The following NXN variants were observed in gnomAD, a reference collection of about 807,000 sequenced individuals.
The protein encoded by NXN is nucleoredoxin.
A neutral mutation model predicts 48.6 loss-of-function variants in NXN; 16 were observed. That is an observed-to-expected ratio of 0.33 (90% CI 0.22 to 0.50). The LOEUF is 0.50. Ranked by LOEUF, NXN falls within the 20% of genes least tolerant of loss-of-function variation. The probability of loss-of-function intolerance (pLI) is 0.98; values close to 1 mark genes in which losing one functional copy is unlikely to be tolerated. For synonymous variants in NXN, 281 were observed against 269.6 expected (o/e 1.04, Z -0.41); for missense variants, 492 against 605.5 (o/e 0.81, Z 1.97).
chr17:805,274 G>T (rs748136441), intron 5 of NXN, 27 bp from the exon 6 acceptor site: 1 of 1,587,726 alleles, frequency 6.3e-7, no homozygotes, highest in Middle Eastern at 1.8e-4. Context: ...GTGCTTGGCC[G>T]CTGGCCCGGG....
At chr17:947,029 T>G (rs1177533836) in intron 1 of NXN, among the ~76,000 whole-genome samples, 1 of 152,072 alleles carries the variant, frequency 6.6e-6, no homozygotes, top group Non-Finnish European at 1.5e-5. Context: ...AGGGGCCGCA[T>G]GAGGAGAGAC....
Position 821,024 on chromosome 17 carries a change from T to C in NXN, c.713+1333A>G, listed in dbSNP as rs1166585550. ...CATGGCAGAGACGGGAGCTGTGGCA[T>C]GGCAGAGACGGGGAGCTGCGGCACG... On this transcript the variant is annotated intron_variant, in intron 4 of 7. Transcript: ENST00000336868. Among the ~76,000 whole-genome samples the C allele has an allele frequency of 2.9e-5, 2 of 69,570 alleles. 1 individual carries two copies. The highest frequency in any genetic ancestry group is 9.4e-4 in the South Asian group (2 of 2,120). The allele number at this position is 69,570 out of a possible 152,430, so 45.6% of individuals were successfully genotyped here. A position where few individuals can be genotyped will look rare whatever the true frequency, so the allele number is the denominator to read the frequency against.
chr17:812,462 CACAG>C (rs948456278), intron 5 of NXN, among the ~76,000 whole-genome samples: 21 of 152,178 alleles, frequency 1.4e-4, no homozygotes, highest in African/African-American at 3.6e-4. Flanking sequence ...GACCCCAGGG[CACAG>C]ACAGACTCAA....
chr17:927,738 G>A (rs2068815656), intron 1 of NXN, among the ~76,000 whole-genome samples: 1 of 152,114 alleles, frequency 6.6e-6, no homozygotes. Flanking sequence ...GGCATAACCA[G>A]CCAGACAGCA....
intron 1 of NXN, among the ~76,000 whole-genome samples, chr17:912,454 G>A (rs1238829539): frequency 2.6e-5 from 4 of 152,050 alleles, no homozygotes; most frequent in Non-Finnish European, 4.4e-5. Context: ...CCCCAACCAC[G>A]CGGGAGAGAC....
intron 5 of NXN, among the ~76,000 whole-genome samples, chr17:814,723 C>T (rs1046048944): frequency 7.9e-5 from 12 of 152,130 alleles, no homozygotes; most frequent in African/African-American, 7.2e-5. Context: ...ATGGTTAGCA[C>T]GCACTCAATA....
chr17:885,401 C>T (rs866539243), intron 1 of NXN, among the ~76,000 whole-genome samples: 5 of 151,570 alleles, frequency 3.3e-5, no homozygotes, highest in African/African-American at 9.7e-5. Context: ...CACTTGAACC[C>T]GGGAGGTGGA....
At chr17:947,754 A>C (rs1449025954) in intron 1 of NXN, among the ~76,000 whole-genome samples, 4 of 145,744 alleles carry the variant, frequency 2.7e-5, no homozygotes, top group African/African-American at 1.0e-4. Context: ...AAAAAAAAAA[A>C]GGGCCAGGCA....
chr17:947,424 G>A (rs972919716), intron 1 of NXN, among the ~76,000 whole-genome samples: 4 of 152,000 alleles, frequency 2.6e-5, no homozygotes, highest in Non-Finnish European at 4.4e-5. Context: ...CCACGGATTC[G>A]ACTAACCCCA....
At chr17:868,576 C>G (rs976786009) in intron 1 of NXN, among the ~76,000 whole-genome samples, 1 of 152,146 alleles carries the variant, frequency 6.6e-6, no homozygotes, top group African/African-American at 2.4e-5. Context: ...ACTGCAACCT[C>G]CGCCTCCCGG....
rs1335869433 is a variant in NXN, at chr17:893,592, TCCCTGGAAGCCAGAGGAAGCATCTCAATG to T, written c.361-67543_361-67515del. ...CGGAAGCCAGAGGAAGCATCTCAACTCCCTGGAAGCCAGAGGAAGCATCTCAATGCCCTGGAAGCCAGAGGAAGCATCTC... is the reference window on the plus strand; with the variant it reads ...CGGAAGCCAGAGGAAGCATCTCAACTCCCTGGAAGCCAGAGGAAGCATCTC... On this transcript the variant is annotated intron_variant, in intron 1 of 7. Coordinates refer to ENST00000336868, the MANE Select transcript of NXN (RefSeq NM_022463.5). Among the ~76,000 whole-genome samples the T allele has an allele frequency of 2.1e-3, 295 of 141,352 alleles. 2 individuals are homozygous for T. The highest frequency in any genetic ancestry group is 4.4e-3 in the Admixed American group (62 of 14,100). The allele number at this position is 141,352 out of a possible 152,430, so 92.7% of individuals were successfully genotyped here. A position where few individuals can be genotyped will look rare whatever the true frequency, so the allele number is the denominator to read the frequency against.
At chr17:813,034 AATGTGTGAGC>A (rs1912253343) in intron 5 of NXN, among the ~76,000 whole-genome samples, 2 of 151,568 alleles carry the variant, frequency 1.3e-5, no homozygotes, top group East Asian at 1.9e-4. Context: ...CGCGTGTGTG[AATGTGTGAGC>A]GTGTGTGTGC....
At chr17:880,899 G>A (rs943902083) in intron 1 of NXN, among the ~76,000 whole-genome samples, 1 of 152,214 alleles carries the variant, frequency 6.6e-6, no homozygotes, top group African/African-American at 2.4e-5. Flanking sequence ...GGCCTCCTCC[G>A]AAAATCCCAC....
intron 4 of NXN, among the ~76,000 whole-genome samples, chr17:820,436 C>A (rs1056572997): frequency 3.0e-5 from 4 of 134,362 alleles, no homozygotes; most frequent in Non-Finnish European, 6.3e-5. Context: ...ACGGTGAAAC[C>A]CCATCTCTAC....
At chr17:959,306 G>C (rs2069207827) in intron 1 of NXN, 2 of 323,374 alleles carry the variant, frequency 6.2e-6, no homozygotes, top group East Asian at 5.7e-5. Context: ...TCACAGCTCT[G>C]TAGGCCCCTC....
At position 917,761 on chromosome 17, in the gene NXN, C is replaced by T. The variant is rs566853742; in HGVS notation, c.360+61558G>A. On this transcript the variant is annotated intron_variant, in intron 1 of 7. Coordinates refer to ENST00000336868, the MANE Select transcript of NXN (RefSeq NM_022463.5). The surrounding 1 kb of genome is among the most constrained non-coding windows in gnomAD (Gnocchi z 4.5). ...AAGGGGCGCGTACTGGCACAACAGG[C>T]GGGCGTGGCTCTCGCTCCCCAGGAA... is the stretch of plus-strand genomic sequence containing the variant. 6.7e-4 allele frequency among the ~76,000 whole-genome samples: 102 copies of T among 152,134 alleles called. No individual in the cohort carries two copies. The highest frequency in any genetic ancestry group is 2.3e-3 in the African/African-American group (95 of 41,538).
In NXN at chr17:819,757, C is replaced by T. The variant is rs112844714; in HGVS notation, c.714-212G>A. On this transcript the variant is annotated intron_variant, in intron 4 of 7. Transcript: ENST00000336868. ...ATGCCTCCACACAGCAGGTGGGTGC[C>T]GGCTAAGACGCCAGCCCACTTCAGC... is the stretch of plus-strand genomic sequence containing the variant. Among the ~76,000 whole-genome samples, 1,111 of 152,210 alleles carry T rather than the reference C, an allele frequency of 7.3e-3. 15 individuals are homozygous for T. The highest frequency in any genetic ancestry group is 0.026 in the African/African-American group (1,063 of 41,544).
intron 1 of NXN, among the ~76,000 whole-genome samples, chr17:944,102 G>A (rs1360370419): frequency 6.6e-6 from 1 of 151,578 alleles, no homozygotes; most frequent in African/African-American, 2.4e-5. Context: ...AGCTGGGTGT[G>A]GTGACGGGTG....
rs113913701 is a variant in NXN, at chr17:834,478, G to A, written c.361-8400C>T. On this transcript the variant is annotated intron_variant, in intron 1 of 7. Transcript: ENST00000336868. ...TGCCCAGGCTGGAGTGCAATGGTGC[G>A]ATCTCAGCTCACTGCAACCTCCACC... Among the ~76,000 whole-genome samples the A allele has an allele frequency of 1.6e-3, 244 of 152,062 alleles. 3 individuals are homozygous for A. Among genetic ancestry groups the A allele is most frequent in the African/African-American group, 5.4e-3 (226 of 41,470 alleles).
Sources: allele counts gnomAD v4.1 joint callset (sites outside exome capture counted in the v4.1 genomes callset), GRCh38; gene constraint gnomAD v4.1.1; non-coding constraint Gnocchi (gnomAD v3.1); transcripts MANE v1.5; gene names NCBI Gene and HGNC (gene_info 2026-07-23, HGNC 2026-07-21).